Variants in CTNND2 observed in about 807,000 individuals in gnomAD.
CTNND2 encodes the protein catenin delta-2.
CTNND2 carries 22 observed loss-of-function variants against 144.4 expected under a neutral mutation model. The observed-to-expected ratio is 0.15, with a 90% CI of 0.11 to 0.22. The LOEUF is 0.22. CTNND2 is among the 10% of genes least tolerant of loss of function. The pLI, the probability that CTNND2 is intolerant of heterozygous loss-of-function variation, is 1.00. For synonymous variants in CTNND2, 751 were observed against 695.6 expected, an observed-to-expected ratio of 1.08 and a Z score of -1.25; for missense variants, 1,353 against 1,618.8, an observed-to-expected ratio of 0.84 and a Z score of 2.82.
At chr5:11,617,359 C>A (rs1275843304) in intron 2 of CTNND2, among the ~76,000 whole-genome samples, 4 of 152,168 alleles carry the variant, frequency 2.6e-5, no homozygotes, top group African/African-American at 4.8e-5. Context: ...CCATTTCATT[C>A]TCACCTCATC....
chr5:11,240,223 CA>C (rs1742109749), intron 9 of CTNND2, among the ~76,000 whole-genome samples: 1 of 125,032 alleles, frequency 8.0e-6, no homozygotes, highest in South Asian at 2.8e-4. Context: ...CACACACACC[CA>C]ACACACACAC....
At chr5:11,598,056 A>G (rs1779607246) in intron 2 of CTNND2, among the ~76,000 whole-genome samples, 1 of 152,186 alleles carries the variant, frequency 6.6e-6, no homozygotes, top group Admixed American at 6.5e-5. Flanking sequence ...GTTTAGCCTT[A>G]AAGTAAAATG....
intron 9 of CTNND2, among the ~76,000 whole-genome samples, chr5:11,294,392 A>C (rs755588957): frequency 2.0e-5 from 3 of 152,162 alleles, no homozygotes; most frequent in Admixed American, 6.5e-5. Context: ...CCACTTTTTC[A>C]TGGGACATGG....
intron 2 of CTNND2, among the ~76,000 whole-genome samples, chr5:11,570,807 T>C (rs1189747040): frequency 6.6e-6 from 1 of 152,122 alleles, no homozygotes; most frequent in South Asian, 2.1e-4. Flanking sequence ...TTCTAAGCAA[T>C]TCTTTTGAAA....
Position 11,202,814 on chromosome 5 carries a change from T to C in CTNND2, c.1762-3153A>G, listed in dbSNP as rs1056584009. ...TTCTTTTTTTTCTTTTTCTTTTTCT[T>C]TTTTTCTGAGATGGAGTTTCGCTCT... On this transcript the variant is annotated intron_variant, in intron 10 of 21. Transcript: ENST00000304623. 1.1e-4 allele frequency among the ~76,000 whole-genome samples: 16 copies of C among 152,284 alleles called. 1 individual carries two copies. Among genetic ancestry groups the C allele is most frequent in the Admixed American group, 3.9e-4 (6 of 15,296 alleles).
intron 2 of CTNND2, among the ~76,000 whole-genome samples, chr5:11,648,406 A>G (rs900130263): frequency 6.6e-6 from 1 of 151,694 alleles, no homozygotes; most frequent in South Asian, 2.1e-4. Context: ...AACCTTATCA[A>G]CTCTTGCTAA....
chr5:11,887,060 T>C (rs1033110724), intron 1 of CTNND2, among the ~76,000 whole-genome samples: 3 of 139,554 alleles, frequency 2.1e-5, no homozygotes, highest in Admixed American at 1.6e-4. Context: ...CTCGGCTCAC[T>C]GCAAGCTCTG....
chr5:11,774,935 T>C (rs1281033681), intron 1 of CTNND2, among the ~76,000 whole-genome samples: 2 of 152,168 alleles, frequency 1.3e-5, no homozygotes, highest in Non-Finnish European at 2.9e-5. Flanking sequence ...GGAAGTGCAG[T>C]CACCAGCTTC....
chr5:11,327,303 AAGG>A (rs1378897641), intron 9 of CTNND2, among the ~76,000 whole-genome samples: 2 of 152,206 alleles, frequency 1.3e-5, no homozygotes, highest in Non-Finnish European at 2.9e-5. Flanking sequence ...AAGTGGGACA[AAGG>A]CTCAGTGGGA....
At position 11,203,470 on chromosome 5, in the gene CTNND2, T is replaced by C. The variant is rs142816686; in HGVS notation, c.1762-3809A>G. 1.7e-3 allele frequency among the ~76,000 whole-genome samples: 259 copies of C among 152,234 alleles called. 1 individual carries two copies. Among genetic ancestry groups the C allele is most frequent in the African/African-American group, 6.0e-3 (249 of 41,558 alleles). On this transcript the variant is annotated intron_variant, in intron 10 of 21. Transcript: ENST00000304623. ...TGTTTTGTTTTGTTTTTAGACAGAG[T>C]TGCGCTCTGTCACCCAGGCTGGAGT...
At chr5:11,284,289 T>G (rs1747496950) in intron 9 of CTNND2, among the ~76,000 whole-genome samples, 1 of 152,168 alleles carries the variant, frequency 6.6e-6, no homozygotes, top group Admixed American at 6.6e-5. Context: ...TTTTTTTAAG[T>G]TCCAGGGTAC....
At chr5:11,614,174 T>C (rs1780470449) in intron 2 of CTNND2, among the ~76,000 whole-genome samples, 1 of 152,232 alleles carries the variant, frequency 6.6e-6, no homozygotes, top group Non-Finnish European at 1.5e-5. Context: ...TTCTGGTTTA[T>C]CTGCATGCCC....
Position 11,384,824 on chromosome 5 carries a change from T to G in CTNND2, c.1018A>C (p.Thr340Pro). The G allele has an allele frequency of 6.2e-7, 1 of 1,613,026 alleles. No homozygotes were observed. The highest frequency in any genetic ancestry group is 8.5e-7 in the Non-Finnish European group (1 of 1,179,654). ...RVTSPPTVQS[T>P]ISSSPIHQLS... ...TGGTGGATGGGCGAGGAGGAGATGGTGGACTGCACGGTGGGGGGCGAGGTC... is the reference window on the plus strand; with the variant it reads ...TGGTGGATGGGCGAGGAGGAGATGGGGGACTGCACGGTGGGGGGCGAGGTC... Residue 340 changes from threonine (T) to proline (P), a missense_variant, in exon 7 of 22, where the codon ACC becomes CCC. Physicochemically the swap from Thr to Pro is conservative, Grantham distance 38. Around this residue, in one of 4 missense-constraint regions of CTNND2, gnomAD observed 708 missense variants for 706.4 expected, o/e 1.00. Coordinates refer to ENST00000304623, the MANE Select transcript of CTNND2 (RefSeq NM_001332.4). This position sits in a 1 kb window ranked among gnomAD's most constrained non-coding sequence, Gnocchi z 5.2.
At chr5:11,718,341 T>C (rs771675485) in intron 2 of CTNND2, among the ~76,000 whole-genome samples, 7 of 152,186 alleles carry the variant, frequency 4.6e-5, no homozygotes, top group Non-Finnish European at 7.4e-5. Flanking sequence ...GACCCAAGAT[T>C]TCTGGAAACC....
intron 2 of CTNND2, among the ~76,000 whole-genome samples, chr5:11,652,115 T>C (rs1782673226): frequency 1.3e-5 from 2 of 152,158 alleles, no homozygotes; most frequent in Non-Finnish European, 2.9e-5. Flanking sequence ...CAAATTGTAA[T>C]CCCCAATGTT....
chr5:11,331,245 G>A, intron 9 of CTNND2, among the ~76,000 whole-genome samples: 1 of 152,114 alleles, frequency 6.6e-6, no homozygotes, highest in East Asian at 1.9e-4. Context: ...GGAAGAAAGG[G>A]TATGCTTATT....
At chr5:11,711,732 T>C (rs911524075) in intron 2 of CTNND2, among the ~76,000 whole-genome samples, 4 of 152,184 alleles carry the variant, frequency 2.6e-5, no homozygotes, top group African/African-American at 9.7e-5. Context: ...TAAAATGAAG[T>C]ATAGTTTTGT....
intron 12 of CTNND2, among the ~76,000 whole-genome samples, chr5:11,151,220 C>T (rs1580429290): frequency 6.6e-6 from 1 of 152,214 alleles, no homozygotes; most frequent in Admixed American, 6.5e-5. Context: ...GTAAGCAGTA[C>T]ATGAAAGCGT....
At chr5:11,240,353 A>G (rs1742158229) in intron 9 of CTNND2, among the ~76,000 whole-genome samples, 1 of 90,708 alleles carries the variant, frequency 1.1e-5, no homozygotes, top group Non-Finnish European at 2.1e-5. Context: ...CCCAACACAC[A>G]CACATTCACA....
Sources: allele counts gnomAD v4.1 joint callset (sites outside exome capture counted in the v4.1 genomes callset), GRCh38; gene constraint gnomAD v4.1.1; regional missense constraint gnomAD v4.1.1; non-coding constraint Gnocchi (gnomAD v3.1); transcripts MANE v1.5; gene names NCBI Gene and HGNC (gene_info 2026-07-23, HGNC 2026-07-21).